Variants in CEP112 observed in about 807,000 individuals in gnomAD.
The protein encoded by CEP112 is centrosomal protein of 112 kDa.
A neutral mutation model predicts 153.0 loss-of-function variants in CEP112; 127 were observed. That is an observed-to-expected ratio of 0.83 (90% CI 0.72 to 0.96). CEP112 has a LOEUF of 0.96. Among genes scored for constraint, CEP112 ranks in the 40% least tolerant of loss-of-function variants. The pLI is 0.00. For missense variants in CEP112, 1,089 were observed against 1,101.2 expected, an observed-to-expected ratio of 0.99 and a Z score of 0.16; for synonymous variants, 358 against 374.4, an observed-to-expected ratio of 0.96 and a Z score of 0.51.
In CEP112 at chr17:65,798,386, C is replaced by A. The variant is rs149414309; in HGVS notation, c.2395-47662G>T. 2.8e-4 allele frequency among the ~76,000 whole-genome samples: 43 copies of A among 152,260 alleles called. No homozygotes were observed. The East Asian group carries it at 8.3e-3, about 29-fold the overall frequency. The stretch of plus-strand genomic sequence containing the variant: ...TGGCTGGCTGGCTTCTAAGAATACT[C>A]AAGCACCTTTTCTGAAGTCATCAGT... On this transcript the variant is annotated intron_variant, in intron 21 of 26. Coordinates refer to ENST00000535342, the MANE Select transcript of CEP112 (RefSeq NM_001199165.4).
intron 23 of CEP112, among the ~76,000 whole-genome samples, chr17:65,716,385 G>A (rs1252220053): frequency 6.6e-6 from 1 of 151,890 alleles, no homozygotes; most frequent in Non-Finnish European, 1.5e-5. Context: ...GGTCTCGAAC[G>A]GCTGACCTCA....
intron 12 of CEP112, among the ~76,000 whole-genome samples, chr17:66,052,923 A>G (rs10853072): frequency 0.41 from 62,298 of 151,792 alleles, 14,224 homozygotes; most frequent in East Asian, 0.87. Context: ...CCTGGCCAAC[A>G]TGGCGGAACC....
intron 18 of CEP112, among the ~76,000 whole-genome samples, chr17:65,936,538 A>C (rs1055717911): frequency 9.2e-5 from 14 of 152,178 alleles, no homozygotes; most frequent in Non-Finnish European, 1.6e-4. Context: ...TAGCAATAAA[A>C]AAACAAAACC....
At chr17:66,011,253 T>C (rs185517122) in intron 16 of CEP112, among the ~76,000 whole-genome samples, 1 of 152,256 alleles carries the variant, frequency 6.6e-6, no homozygotes, top group East Asian at 1.9e-4. Flanking sequence ...TGGTTATTTC[T>C]TGTCTTCTGC....
chr17:65,944,406 T>C (rs1189008909), intron 18 of CEP112, among the ~76,000 whole-genome samples: 1 of 152,154 alleles, frequency 6.6e-6, no homozygotes, highest in Non-Finnish European at 1.5e-5. Flanking sequence ...TTCATTATTC[T>C]ACTACTTTTA....
At chr17:65,810,332 G>C (rs898965131) in intron 21 of CEP112, among the ~76,000 whole-genome samples, 1 of 151,944 alleles carries the variant, frequency 6.6e-6, no homozygotes, top group Non-Finnish European at 1.5e-5. Context: ...CCTGCAGGTA[G>C]GTGGAGCCTT....
Position 65,762,485 on chromosome 17 carries a change from T to C in CEP112, c.2395-11761A>G, listed in dbSNP as rs73342825. Among the ~76,000 whole-genome samples, 1,149 of 152,166 alleles carry C rather than the reference T, an allele frequency of 7.6e-3. 15 individuals carry two copies. Among genetic ancestry groups the C allele is most frequent in the African/African-American group, 0.026 (1,082 of 41,544 alleles). ...CTACCATATTTGCTACTACTTTCTA[T>C]TCATTGTCCTGGTTCAGTTTTCCTA... On this transcript the variant is annotated intron_variant, in intron 21 of 26. Transcript: ENST00000535342.
At chr17:66,177,815 T>C (rs185501419) in intron 2 of CEP112, among the ~76,000 whole-genome samples, 2 of 152,146 alleles carry the variant, frequency 1.3e-5, no homozygotes, top group Non-Finnish European at 2.9e-5. Flanking sequence ...TATATGAAGA[T>C]TGTCTTTCTG....
rs144220853 is a variant in CEP112 at position 66,019,976 on chromosome 17, C to T, written c.1656+7525G>A. On this transcript the variant is annotated intron_variant, in intron 16 of 26. Coordinates refer to ENST00000535342, the MANE Select transcript of CEP112 (RefSeq NM_001199165.4). Reference sequence around the variant, plus strand: ...TCCTTTCTAGGTCTATCTCTATGTGCGTAACAGTCCTCAGCAGGATGTAAT... The same window carrying T: ...TCCTTTCTAGGTCTATCTCTATGTGTGTAACAGTCCTCAGCAGGATGTAAT... Among the ~76,000 whole-genome samples the T allele has an allele frequency of 2.3e-3, 349 of 152,266 alleles. 3 individuals are homozygous for T. The highest frequency in any genetic ancestry group is 8.1e-3 in the African/African-American group (335 of 41,558).
chr17:65,839,622 C>T (rs938431905), intron 21 of CEP112, among the ~76,000 whole-genome samples: 1 of 152,028 alleles, frequency 6.6e-6, no homozygotes, highest in Non-Finnish European at 1.5e-5. Context: ...CAAGGATGCT[C>T]ACTTTCACCA....
At chr17:65,939,852 T>C (rs2061456388) in intron 18 of CEP112, among the ~76,000 whole-genome samples, 1 of 151,956 alleles carries the variant, frequency 6.6e-6, no homozygotes, top group Non-Finnish European at 1.5e-5. Flanking sequence ...GATATGACAA[T>C]AAAAGCACAG....
chr17:65,899,136 G>A (rs2143460117), intron 20 of CEP112, among the ~76,000 whole-genome samples: 1 of 152,220 alleles, frequency 6.6e-6, no homozygotes, highest in Non-Finnish European at 1.5e-5. Flanking sequence ...TTGAATCAAT[G>A]AGATCATTCT....
intron 20 of CEP112, among the ~76,000 whole-genome samples, chr17:65,852,423 TTCCTTCCC>T (rs1266762244): frequency 1.4e-4 from 4 of 28,954 alleles, no homozygotes; most frequent in African/African-American, 2.4e-4. Context: ...CCTCCCTTCC[TTCCTTCCC>T]TCCCTTTCCT....
rs1480465557 is a variant in CEP112 at position 65,694,920 on chromosome 17, A to G, written c.2608-5702T>C. Among the ~76,000 whole-genome samples, 4 of 152,260 alleles carry G rather than the reference A, an allele frequency of 2.6e-5. No individual in the cohort carries two copies. In the South Asian group the frequency reaches 8.3e-4, roughly 31 times the overall value. On this transcript the variant is annotated intron_variant, in intron 23 of 26. Coordinates refer to ENST00000535342, the MANE Select transcript of CEP112 (RefSeq NM_001199165.4). ...GAACAGAATGTCCAACACTGGGTCA[A>G]AAATATGAAACAAAACCCAACTTGA...
At chr17:66,080,182 T>G (rs2067661795) in intron 8 of CEP112, among the ~76,000 whole-genome samples, 1 of 151,970 alleles carries the variant, frequency 6.6e-6, no homozygotes, top group African/African-American at 2.4e-5. Flanking sequence ...ACTAAAGAGC[T>G]TCTGCCCAGC....
chr17:65,648,949 G>A (rs141570795), intron 24 of CEP112, among the ~76,000 whole-genome samples: 19 of 152,296 alleles, frequency 1.2e-4, no homozygotes, highest in African/African-American at 3.6e-4. Flanking sequence ...TACTCGGGAG[G>A]CTGAGGCAGA....
chr17:65,957,644 T>C (rs962925084), intron 18 of CEP112, among the ~76,000 whole-genome samples: 10 of 152,154 alleles, frequency 6.6e-5, no homozygotes, highest in African/African-American at 2.4e-4. Context: ...ATCAATACCA[T>C]TTTACTAGAA....
intron 24 of CEP112, among the ~76,000 whole-genome samples, chr17:65,657,170 T>C (rs1178057830): frequency 6.6e-6 from 1 of 152,200 alleles, no homozygotes; most frequent in Admixed American, 6.5e-5. Flanking sequence ...TCAGACTTTT[T>C]ATATATGGTT....
At chr17:66,005,028 T>G (rs995750) in intron 17 of CEP112, among the ~76,000 whole-genome samples, 4 of 151,930 alleles carry the variant, frequency 2.6e-5, no homozygotes, top group Non-Finnish European at 5.9e-5. Context: ...TCTATGGGAA[T>G]GTACTGAACA....
Sources: gnomAD v4.1 joint callset for allele counts (sites outside exome capture counted in the v4.1 genomes callset) on GRCh38, gnomAD v4.1.1 for gene constraint, MANE v1.5 for transcripts, NCBI Gene and HGNC (gene_info 2026-07-23, HGNC 2026-07-21) for gene names.